Variants in CCDC148 observed in about 807,000 individuals in gnomAD.
CCDC148 encodes coiled-coil domain containing 148, also known as coiled-coil domain-containing protein 148.
CCDC148 carries 89 observed loss-of-function variants against 85.7 expected under a neutral mutation model. The ratio of observed to expected loss-of-function variants is 1.04; its 90% CI spans 0.87 to 1.24. The LOEUF is 1.24. Ranked by LOEUF, CCDC148 falls within the 50% of genes most tolerant of loss-of-function variation. The pLI is 0.00. For missense variants in CCDC148, 692 were observed against 671.7 expected (o/e 1.03, Z -0.33); for synonymous variants, 230 against 213.9 (o/e 1.08, Z -0.66).
At chr2:158,368,732 A>G (rs907608514) in intron 1 of CCDC148, among the ~76,000 whole-genome samples, 2 of 152,072 alleles carry the variant, frequency 1.3e-5, no homozygotes, top group Non-Finnish European at 2.9e-5. Flanking sequence ...CATTTTAGTG[A>G]AAAGTTAATT....
chr2:158,426,334 T>G (rs1325800851), intron 1 of CCDC148, among the ~76,000 whole-genome samples: 2 of 152,108 alleles, frequency 1.3e-5, no homozygotes, highest in African/African-American at 4.8e-5. Context: ...GAAGCTGTAT[T>G]ACAGTTAACT....
At chr2:158,258,636 A>G (rs532691737) in intron 9 of CCDC148, among the ~76,000 whole-genome samples, 1 of 151,890 alleles carries the variant, frequency 6.6e-6, no homozygotes, top group African/African-American at 2.4e-5. Context: ...CACTCCATGT[A>G]TCCAAGTTCT....
chr2:158,185,007 C>G (rs1427564897), intron 11 of CCDC148, among the ~76,000 whole-genome samples: 1 of 152,148 alleles, frequency 6.6e-6, no homozygotes, highest in East Asian at 1.9e-4. Flanking sequence ...CTATTGTTAT[C>G]AAGACAAAAC....
chr2:158,276,869 C>T (rs1039651774), intron 9 of CCDC148, among the ~76,000 whole-genome samples: 1 of 152,168 alleles, frequency 6.6e-6, no homozygotes, highest in Non-Finnish European at 1.5e-5. Flanking sequence ...AATATGTATG[C>T]TTTGTTAATA....
intron 11 of CCDC148, among the ~76,000 whole-genome samples, chr2:158,180,961 C>G (rs1474310576): frequency 2.0e-5 from 3 of 152,150 alleles, no homozygotes; most frequent in Non-Finnish European, 4.4e-5. Flanking sequence ...CTCCCTTTCT[C>G]TCACGCCTCC....
At chr2:158,241,482 G>C (rs536037247) in intron 10 of CCDC148, among the ~76,000 whole-genome samples, 1 of 152,204 alleles carries the variant, frequency 6.6e-6, no homozygotes, top group South Asian at 2.1e-4. Context: ...GAGAAAGGGG[G>C]CAATTTCTTG....
In CCDC148 at chr2:158,351,507, G is replaced by T. The variant is rs182415805; in HGVS notation, c.148-6189C>A. ...CGGGTCACTCCCACCTGAATACTGCGCTTTTCCGACCGGCTTAAAAACCGG... is the reference window on the plus strand; with the variant it reads ...CGGGTCACTCCCACCTGAATACTGCTCTTTTCCGACCGGCTTAAAAACCGG... On this transcript the variant is annotated intron_variant, in intron 2 of 13. Coordinates refer to ENST00000283233, the MANE Select transcript of CCDC148 (RefSeq NM_138803.4). 7.4e-3 allele frequency among the ~76,000 whole-genome samples: 1,125 copies of T among 151,818 alleles called. 20 individuals carry two copies. Among genetic ancestry groups the T allele is most frequent in the African/African-American group, 0.026 (1,073 of 41,430 alleles).
At chr2:158,224,206 G>T (rs1687362744) in intron 10 of CCDC148, among the ~76,000 whole-genome samples, 1 of 152,208 alleles carries the variant, frequency 6.6e-6, no homozygotes, top group African/African-American at 2.4e-5. Context: ...CTGGAAGAAA[G>T]GGTACCAGTG....
intron 1 of CCDC148, among the ~76,000 whole-genome samples, chr2:158,389,100 T>G (rs1685202405): frequency 6.6e-6 from 1 of 152,134 alleles, no homozygotes; most frequent in African/African-American, 2.4e-5. Flanking sequence ...TATGGATGGA[T>G]TTAAACTACA....
intron 9 of CCDC148, among the ~76,000 whole-genome samples, chr2:158,279,500 G>C (rs1388916059): frequency 6.6e-6 from 1 of 152,232 alleles, no homozygotes; most frequent in Non-Finnish European, 1.5e-5. Flanking sequence ...AGGAGCCGAT[G>C]TGATCAACTG....
In CCDC148 at chr2:158,179,045, G is replaced by A. The variant is rs79627547; in HGVS notation, c.1371-49C>T. The A allele has an allele frequency of 3.0e-3, 4,265 of 1,417,782 alleles. 118 individuals carry two copies. The African/African-American group carries it at 0.052, about 17-fold the overall frequency. 87.8% of individuals were successfully genotyped at this position (1,417,782 alleles called of 1,614,324 possible). On this transcript the variant is annotated intron_variant, in intron 11 of 13. Transcript: ENST00000283233. ...GTTGTGGAAGCATCATAATAATATTGGAGATTGTACAGAAAACAGCATAGG... is the reference window on the plus strand; with the variant it reads ...GTTGTGGAAGCATCATAATAATATTAGAGATTGTACAGAAAACAGCATAGG...
At chr2:158,198,937 C>A (rs920322600) in intron 11 of CCDC148, among the ~76,000 whole-genome samples, 4 of 152,130 alleles carry the variant, frequency 2.6e-5, no homozygotes, top group African/African-American at 4.8e-5. Flanking sequence ...GCTTTGTTCT[C>A]AGAAAGATGA....
intron 9 of CCDC148, among the ~76,000 whole-genome samples, chr2:158,252,167 G>A (rs1306675484): frequency 6.6e-6 from 1 of 151,634 alleles, no homozygotes; most frequent in Non-Finnish European, 1.5e-5. Context: ...TATATATGAT[G>A]AAAATTAAAT....
chr2:158,359,139 G>C (rs1488514060), intron 1 of CCDC148, among the ~76,000 whole-genome samples: 1 of 152,098 alleles, frequency 6.6e-6, no homozygotes, highest in Non-Finnish European at 1.5e-5. Flanking sequence ...TCCTAGTCTG[G>C]TATGATATGA....
At chr2:158,404,863 A>C (rs544518439) in intron 1 of CCDC148, among the ~76,000 whole-genome samples, 3 of 152,162 alleles carry the variant, frequency 2.0e-5, no homozygotes, top group Non-Finnish European at 1.5e-5. Context: ...CTGAAAACTT[A>C]TAAGAGTGGA....
At chr2:158,456,357 A>G in intron 1 of CCDC148, 58 bp downstream of exon 1, 1 of 1,554,984 alleles carries the variant, frequency 6.4e-7, no homozygotes, top group South Asian at 1.1e-5. Flanking sequence ...AGTAGGATTT[A>G]GGTGGCTCAG....
At chr2:158,355,366 G>A (rs1683573279) in intron 2 of CCDC148, among the ~76,000 whole-genome samples, 1 of 152,082 alleles carries the variant, frequency 6.6e-6, no homozygotes, top group African/African-American at 2.4e-5. Context: ...AAGCTGATAA[G>A]CAACTTCAGC....
At chr2:158,392,006 G>A (rs1685331082) in intron 1 of CCDC148, among the ~76,000 whole-genome samples, 1 of 152,054 alleles carries the variant, frequency 6.6e-6, no homozygotes, top group African/African-American at 2.4e-5. Context: ...TTCCCCATGA[G>A]ACAGAAAGTG....
In CCDC148 at chr2:158,178,859, A is replaced by G; in HGVS notation, c.1488+20T>C. On this transcript the variant is annotated intron_variant, in intron 12 of 13. Transcript: ENST00000283233. ...TTTTTTTAAAAAAACCACCCATGAA[A>G]ATTTCCAAATGAAAAACACCTGTTT... 1 of 1,563,312 alleles carries G rather than the reference A, an allele frequency of 6.4e-7. No individual in the cohort carries two copies. The highest frequency in any genetic ancestry group is 8.8e-7 in the Non-Finnish European group (1 of 1,138,442).
Sources: gnomAD v4.1 joint callset for allele counts (sites outside exome capture counted in the v4.1 genomes callset) on GRCh38, gnomAD v4.1.1 for gene constraint, MANE v1.5 for transcripts, NCBI Gene and HGNC (gene_info 2026-07-23, HGNC 2026-07-21) for gene names.